Variants in HELZ observed in about 807,000 individuals in gnomAD.
HELZ encodes helicase with zinc finger, also known as ATP-dependent RNA helicase with zinc finger domain.
Under a neutral mutation model 218.2 loss-of-function variants are expected in HELZ, and 23 were observed. The ratio of observed to expected loss-of-function variants is 0.11; its 90% CI spans 0.08 to 0.15. The LOEUF (loss-of-function observed/expected upper bound fraction) is 0.15. Ranked by LOEUF, HELZ falls within the 10% of genes least tolerant of loss-of-function variation. The pLI is 1.00. For missense variants in HELZ, 1,813 were observed against 2,353.7 expected (o/e 0.77, Z 4.75); for synonymous variants, 814 against 829.4 (o/e 0.98, Z 0.32).
chr17:67,196,810 A>G (rs1282824520), intron 7 of HELZ, among the ~76,000 whole-genome samples: 1 of 152,186 alleles, frequency 6.6e-6, no homozygotes, highest in Non-Finnish European at 1.5e-5. Flanking sequence ...TTACCCAAAG[A>G]GAGCCAAGCT....
Position 67,108,723 on chromosome 17 carries a change from C to T in HELZ, c.4493G>A (p.Arg1498His), listed in dbSNP as rs376555770. The change falls in exon 30 of 33, where the codon CGT becomes CAT. Residue 1498 changes from arginine (R) to histidine (H), a missense_variant. Coordinates refer to ENST00000358691, the MANE Select transcript of HELZ (RefSeq NM_014877.4). The surrounding 1 kb of genome is among the most constrained non-coding windows in gnomAD (Gnocchi z 4.1). Reference protein sequence around the residue: ...SGLPIGEALDRIHGSVALETL... With the variant: ...SGLPIGEALDHIHGSVALETL... ...TTCCAGAGCGACACTCCCATGTATA[C>T]GATCTGCAAAAATATTTGTGAAAAA... The T allele has an allele frequency of 2.5e-5, 39 of 1,564,524 alleles. 1 individual carries two copies. The South Asian group carries it at 3.2e-4, about 13-fold the overall frequency.
chr17:67,230,849 A>T (rs572210917), intron 3 of HELZ, among the ~76,000 whole-genome samples: 3 of 152,298 alleles, frequency 2.0e-5, no homozygotes, highest in African/African-American at 7.2e-5. Context: ...TCAGACTTTA[A>T]AACTGAGAAC....
In HELZ at chr17:67,076,148, C is replaced by T. The variant is rs1328381322; in HGVS notation, c.*2104G>A. 1 of 152,394 alleles carries T rather than the reference C, an allele frequency of 6.6e-6. No individual in the cohort carries two copies. The highest frequency in any genetic ancestry group is 1.5e-5 in the Non-Finnish European group (1 of 68,044). 9.4% of individuals were successfully genotyped at this position (152,394 alleles called of 1,614,324 possible). A position where few individuals can be genotyped will look rare whatever the true frequency, so the allele number is the denominator to read the frequency against. On this transcript the variant is annotated 3_prime_UTR_variant, in exon 33 of 33. Transcript: ENST00000358691. ...TATCAGATTGCTTTTGAACATTTAT[C>T]TAGCTTGCGTTGTAGTCCTGTATAT...
intron 3 of HELZ, among the ~76,000 whole-genome samples, chr17:67,232,289 A>C (rs1187828134): frequency 6.6e-6 from 1 of 151,824 alleles, no homozygotes; most frequent in Non-Finnish European, 1.5e-5. Flanking sequence ...GATTACAGGC[A>C]CACACCACCA....
In HELZ at chr17:67,225,108, A is replaced by C. The variant is rs1047571189; in HGVS notation, c.-18-6286T>G. ...TGTTTAAAAAATTACATATATATAT[A>C]AGCCCAAAGCATTTGTTTTAACAAC... is the stretch of plus-strand genomic sequence containing the variant. On this transcript the variant is annotated intron_variant, in intron 3 of 32. Coordinates refer to ENST00000358691, the MANE Select transcript of HELZ (RefSeq NM_014877.4). The C allele has an allele frequency of 1.1e-5, 5 of 453,862 alleles. No homozygotes were observed. In the East Asian group the frequency reaches 2.4e-4, roughly 22 times the overall value. The allele number at this position is 453,862 out of a possible 1,614,324, so 28.1% of individuals were successfully genotyped here. A position where few individuals can be genotyped will look rare whatever the true frequency, so the allele number is the denominator to read the frequency against.
chr17:67,186,291 C>T (rs1434159423), intron 12 of HELZ, among the ~76,000 whole-genome samples: 1 of 152,110 alleles, frequency 6.6e-6, no homozygotes, highest in Admixed American at 6.6e-5. Flanking sequence ...AGCCTGATGT[C>T]GTACGAGGCT....
chr17:67,101,579 G>A (rs1030507193), intron 31 of HELZ, among the ~76,000 whole-genome samples: 21 of 152,136 alleles, frequency 1.4e-4, no homozygotes, highest in African/African-American at 5.1e-4. Flanking sequence ...ATCATGCAAA[G>A]TGAAAAATCC....
chr17:67,087,060 G>A lies in HELZ; in HGVS notation c.5263C>T (p.Arg1755Trp), dbSNP rs1415148527. Residue 1755 changes from arginine to tryptophan, a missense_variant, in exon 32 of 33, where the codon CGG (arginine) becomes TGG (tryptophan). Physicochemically the swap from Arg to Trp is moderately radical, Grantham distance 101. Transcript: ENST00000358691. ...LEEYEPRGPG[R>W]PLYQRRISSS... Reference sequence around the variant, plus strand: ...GAGATTCTTCTTTGGTACAAGGGCCGACCAGGTCCTCTGGGCTCATACTAC... The same window carrying A: ...GAGATTCTTCTTTGGTACAAGGGCCAACCAGGTCCTCTGGGCTCATACTAC... The A allele has an allele frequency of 1.9e-6, 3 of 1,613,746 alleles. No individual in the cohort carries two copies. The highest frequency in any genetic ancestry group is 2.2e-5 in the East Asian group (1 of 44,898).
chr17:67,138,751 C>T (rs1348925829), intron 21 of HELZ, among the ~76,000 whole-genome samples: 2 of 152,164 alleles, frequency 1.3e-5, no homozygotes, highest in Non-Finnish European at 2.9e-5. Context: ...TGCAATAAAG[C>T]AATGCCACAG....
chr17:67,233,307 C>T (rs570594489), intron 3 of HELZ, among the ~76,000 whole-genome samples: 10 of 152,116 alleles, frequency 6.6e-5, no homozygotes, highest in African/African-American at 2.4e-4. Flanking sequence ...GAGCTGAGAT[C>T]GCACCACTGC....
chr17:67,214,259 C>CTTTTT (rs777420102), intron 5 of HELZ, among the ~76,000 whole-genome samples: 76 of 87,718 alleles, frequency 8.7e-4, no homozygotes, highest in Non-Finnish European at 1.1e-3. Flanking sequence ...ATTAATATTT[C>CTTTTT]TTTTTTTTTT....
chr17:67,082,448 A>C (rs1306362898), intron 32 of HELZ, among the ~76,000 whole-genome samples: 1 of 152,262 alleles, frequency 6.6e-6, no homozygotes, highest in Non-Finnish European at 1.5e-5. Flanking sequence ...TAACATCAGC[A>C]ATACAGCTGT....
At chr17:67,179,901 A>C (rs145276520) in intron 12 of HELZ, among the ~76,000 whole-genome samples, 10 of 152,332 alleles carry the variant, frequency 6.6e-5, no homozygotes, top group African/African-American at 2.4e-4. Context: ...ATCCTAAACT[A>C]TCTTTGAAAT....
At chr17:67,185,857 A>G (rs116755495) in intron 12 of HELZ, among the ~76,000 whole-genome samples, 274 of 152,346 alleles carry the variant, frequency 1.8e-3, no homozygotes, top group African/African-American at 5.9e-3. Flanking sequence ...AGGATATGGT[A>G]TTATGAAAAA....
At chr17:67,160,397 T>G in intron 16 of HELZ, 35 bp from the exon 17 acceptor site, 2 of 1,423,660 alleles carry the variant, frequency 1.4e-6, no homozygotes, top group South Asian at 2.3e-5. Context: ...AAAAGAATGA[T>G]AAAACACAAA....
In HELZ at chr17:67,105,386, T is replaced by C. The variant is rs562867679; in HGVS notation, c.5241+1783A>G. 2.0e-5 allele frequency among the ~76,000 whole-genome samples: 3 copies of C among 152,264 alleles called. No individual in the cohort carries two copies. The South Asian group carries it at 6.2e-4, about 32-fold the overall frequency. The stretch of plus-strand genomic sequence containing the variant: ...GCCAGATATAAAAGGCCACATAATG[T>C]ATGACTCAATTTTTATGAAATGTCT... On this transcript the variant is annotated intron_variant, in intron 31 of 32. Transcript: ENST00000358691.
intron 19 of HELZ, 95 bp downstream of exon 19, chr17:67,149,772 T>C (rs1598324382): frequency 1.6e-6 from 1 of 643,316 alleles, no homozygotes; most frequent in South Asian, 2.4e-5. Context: ...TTATAATGCA[T>C]GGCATAATGT....
chr17:67,238,614 G>A (rs1024318151), intron 3 of HELZ, among the ~76,000 whole-genome samples: 15 of 151,120 alleles, frequency 9.9e-5, no homozygotes, highest in Admixed American at 4.0e-4. Flanking sequence ...CCCAGGAGGC[G>A]GAGGTTGCAG....
rs914625902 is a variant in HELZ, at chr17:67,086,631, A to AATATAAATATATAT, written c.5494+197_5494+198insATATATATTTATAT. ...ATATATATAAATAAATATAAATATAAATATATATATATATATATATATATA... is the reference window on the plus strand; with the variant it reads ...ATATATATAAATAAATATAAATATAAATATAAATATATATATATATATATATATATATATATATA... On this transcript the variant is annotated intron_variant, in intron 32 of 32. Coordinates refer to ENST00000358691, the MANE Select transcript of HELZ (RefSeq NM_014877.4). Among the ~76,000 whole-genome samples the AATATAAATATATAT allele has an allele frequency of 2.6e-3, 241 of 93,226 alleles. 1 individual carries two copies. Among genetic ancestry groups the AATATAAATATATAT allele is most frequent in the African/African-American group, 0.01 (209 of 20,722 alleles). The allele number at this position is 93,226 out of a possible 152,430, so 61.2% of individuals were successfully genotyped here. A position where few individuals can be genotyped will look rare whatever the true frequency, so the allele number is the denominator to read the frequency against.
Sources: gnomAD v4.1 joint callset for allele counts (sites outside exome capture counted in the v4.1 genomes callset) on GRCh38, gnomAD v4.1.1 for gene constraint, Gnocchi (gnomAD v3.1) non-coding constraint, MANE v1.5 for transcripts, NCBI Gene and HGNC (gene_info 2026-07-23, HGNC 2026-07-21) for gene names.